The following SMC5 variants were observed in gnomAD, a reference collection of about 807,000 sequenced individuals.
The protein encoded by SMC5 is structural maintenance of chromosomes protein 5.
SMC5 carries 88 observed loss-of-function variants against 148.3 expected under a neutral mutation model. The ratio of observed to expected loss-of-function variants is 0.59; its 90% CI spans 0.50 to 0.71. The LOEUF (loss-of-function observed/expected upper bound fraction) is 0.71, where lower values mean the gene tolerates loss of function less well. SMC5 is among the 30% of genes least tolerant of loss of function. The pLI is 0.00. For synonymous variants in SMC5, 421 were observed against 432.8 expected, an observed-to-expected ratio of 0.97 and a Z score of 0.34; for missense variants, 1,142 against 1,298.9, an observed-to-expected ratio of 0.88 and a Z score of 1.86.
intron 19 of SMC5, 75 bp from the exon 20 acceptor site, chr9:70,346,991 A>G (rs903327923): frequency 4.7e-6 from 5 of 1,058,500 alleles, no homozygotes; most frequent in African/African-American, 3.2e-5. Context: ...CTTATTCAGC[A>G]GATTATTTTT....
chr9:70,270,686 G>T (rs917143128), intron 3 of SMC5, among the ~76,000 whole-genome samples: 1 of 125,354 alleles, frequency 8.0e-6, no homozygotes, highest in Non-Finnish European at 1.6e-5. Flanking sequence ...TGTCACTGTC[G>T]CCCAGGCTGG....
chr9:70,283,173 C>T (rs188254359), intron 7 of SMC5, among the ~76,000 whole-genome samples: 1 of 152,118 alleles, frequency 6.6e-6, no homozygotes, highest in African/African-American at 2.4e-5. Context: ...ACTTAAGAAC[C>T]TCTGATATGG....
At position 70,353,920 on chromosome 9, in the gene SMC5, T is replaced by C. The variant is rs2036853827; in HGVS notation, c.*1589T>C. 4 of 152,236 alleles carry C rather than the reference T, an allele frequency of 2.6e-5. No individual in the cohort carries two copies. The highest frequency in any genetic ancestry group is 9.6e-5 in the African/African-American group (4 of 41,458). The allele number at this position is 152,236 out of a possible 1,614,324, so 9.4% of individuals were successfully genotyped here. On this transcript the variant is annotated 3_prime_UTR_variant, in exon 25 of 25. Coordinates refer to ENST00000361138, the MANE Select transcript of SMC5 (RefSeq NM_015110.4). ...TTACTAAAATGTGCTTGGTGTAGTT[T>C]GTTTATTGTCTAAATTAGTACCAGT...
chr9:70,282,351 T>TA, intron 6 of SMC5, 71 bp from the exon 7 acceptor site: 1 of 1,428,186 alleles, frequency 7.0e-7, no homozygotes, highest in Non-Finnish European at 9.3e-7. Flanking sequence ...TTTCTGCCTG[T>TA]ATCTTGATTT....
chr9:70,327,320 A>T (rs11142370), intron 17 of SMC5, among the ~76,000 whole-genome samples: 32,741 of 152,090 alleles, frequency 0.22, 3,665 homozygotes, highest in South Asian at 0.28. Flanking sequence ...GAAGAATCGT[A>T]TACCCGCCAT....
At chr9:70,264,899 T>C (rs1564018831) in intron 2 of SMC5, among the ~76,000 whole-genome samples, 2 of 152,214 alleles carry the variant, frequency 1.3e-5, no homozygotes, top group Non-Finnish European at 2.9e-5. Context: ...TGTAGCCTAT[T>C]GCTCCTAGAC....
chr9:70,333,140 T>A (rs1346242350), intron 17 of SMC5, among the ~76,000 whole-genome samples: 1 of 152,184 alleles, frequency 6.6e-6, no homozygotes, highest in Non-Finnish European at 1.5e-5. Flanking sequence ...CAATCATCTT[T>A]ATGGAAAATC....
intron 13 of SMC5, among the ~76,000 whole-genome samples, chr9:70,317,301 A>G (rs747782330): frequency 2.6e-5 from 4 of 152,148 alleles, no homozygotes; most frequent in Non-Finnish European, 5.9e-5. Context: ...CTAACAGTAT[A>G]TCCTATTTAT....
intron 17 of SMC5, among the ~76,000 whole-genome samples, chr9:70,333,514 A>G (rs1296464019): frequency 6.6e-6 from 1 of 152,076 alleles, no homozygotes; most frequent in Non-Finnish European, 1.5e-5. Flanking sequence ...CCAGATAATC[A>G]GAGGTCAGGA....
At chr9:70,302,049 T>G (rs1016647832) in intron 10 of SMC5, among the ~76,000 whole-genome samples, 1 of 152,180 alleles carries the variant, frequency 6.6e-6, no homozygotes, top group Admixed American at 6.5e-5. Context: ...CCCAAGAAAC[T>G]GGAACCTGCA....
At chr9:70,311,302 G>A (rs1167501469) in intron 11 of SMC5, 1 of 152,186 alleles carries the variant, frequency 6.6e-6, no homozygotes, top group Non-Finnish European at 1.5e-5. Flanking sequence ...AGGGAATAGG[G>A]ACACCCAAGG....
chr9:70,300,128 T>C lies in SMC5; in HGVS notation c.1392T>C (p.Tyr464=), dbSNP rs1367781727. ...DKLRQRFRDT[Y]DAVLWLRNNR... is the part of the protein sequence containing the mutation. ...TAAGACAGAGATTCCGTGACACGTA[T>C]GATGCTGTTTTATGGCTAAGAAATA... Residue 464 remains tyrosine, a synonymous_variant, in exon 10 of 25, where the codon TAT becomes TAC. Coordinates refer to ENST00000361138, the MANE Select transcript of SMC5 (RefSeq NM_015110.4). 2.5e-6 allele frequency: 4 copies of C among 1,603,726 alleles called. No homozygotes were observed. The highest frequency in any genetic ancestry group is 3.4e-6 in the Non-Finnish European group (4 of 1,177,124).
chr9:70,306,377 C>T (rs2035498310), intron 11 of SMC5, among the ~76,000 whole-genome samples: 1 of 152,026 alleles, frequency 6.6e-6, no homozygotes, highest in Non-Finnish European at 1.5e-5. Context: ...ATTATATTGC[C>T]CTACTTCTGG....
chr9:70,290,584 C>T (rs567291569), intron 8 of SMC5, among the ~76,000 whole-genome samples: 13 of 152,108 alleles, frequency 8.5e-5, no homozygotes, highest in African/African-American at 2.2e-4. Context: ...ATTACCTTTG[C>T]GGGTTCTCTT....
chr9:70,318,552 A>G lies in SMC5; in HGVS notation c.1845A>G (p.Ala615=). 6.2e-7 allele frequency: 1 copy of G among 1,611,166 alleles called. No homozygotes were observed. Among genetic ancestry groups the G allele is most frequent in the Non-Finnish European group, 8.5e-7 (1 of 1,178,636 alleles). Residue 615 remains alanine, a synonymous_variant, in exon 14 of 25, where the codon GCA becomes GCG. Transcript: ENST00000361138. ...CCCGATTAAAACAGATTTATACAGC[A>G]GAAGAAAAGTATGTGGTGAAAACTT... ...QETRLKQIYT[A]EEKYVVKTSF...
At chr9:70,325,059 A>G (rs987299747) in intron 17 of SMC5, among the ~76,000 whole-genome samples, 1 of 152,126 alleles carries the variant, frequency 6.6e-6, no homozygotes, top group African/African-American at 2.4e-5. Flanking sequence ...ATCATTGGCT[A>G]TGTGGTTGAG....
intron 3 of SMC5, among the ~76,000 whole-genome samples, chr9:70,274,961 A>T (rs1158612153): frequency 1.3e-5 from 2 of 152,004 alleles, no homozygotes; most frequent in African/African-American, 4.8e-5. Flanking sequence ...GTTTGTTTAG[A>T]ATTACCTCAG....
At chr9:70,282,809 T>C (rs1013237937) in intron 7 of SMC5, among the ~76,000 whole-genome samples, 16 of 152,102 alleles carry the variant, frequency 1.1e-4, no homozygotes, top group African/African-American at 3.9e-4. Flanking sequence ...AAAAGTGAAA[T>C]ATGATTTTTT....
intron 11 of SMC5, among the ~76,000 whole-genome samples, chr9:70,306,380 A>G (rs2035498530): frequency 6.6e-6 from 1 of 152,126 alleles, no homozygotes; most frequent in Admixed American, 6.5e-5. Flanking sequence ...ATATTGCCCT[A>G]CTTCTGGTTT....
Sources: allele counts gnomAD v4.1 joint callset (sites outside exome capture counted in the v4.1 genomes callset), GRCh38; gene constraint gnomAD v4.1.1; transcripts MANE v1.5; gene names NCBI Gene and HGNC (gene_info 2026-07-23, HGNC 2026-07-21).